CCDC178: variants seen among roughly 807,000 people sequenced by gnomAD.
CCDC178 encodes coiled-coil domain-containing protein 178.
In CCDC178, 126 loss-of-function variants were observed where a neutral mutation model predicts 117.4. The ratio of observed to expected loss-of-function variants is 1.07; its 90% CI spans 0.93 to 1.24. CCDC178 has a LOEUF of 1.24. CCDC178 is among the 50% of genes most tolerant of loss of function. CCDC178 has a pLI of 0.00. For missense variants in CCDC178, 1,030 were observed against 986.9 expected (o/e 1.04, Z -0.59); for synonymous variants, 283 against 313.4 (o/e 0.90, Z 1.02).
At chr18:33,224,243 A>G (rs73421440) in intron 17 of CCDC178, among the ~76,000 whole-genome samples, 1,637 of 152,282 alleles carry the variant, frequency 0.011, 28 homozygotes, top group African/African-American at 0.037. Flanking sequence ...AGTTCTCCAA[A>G]AGACTAATGA....
intron 10 of CCDC178, among the ~76,000 whole-genome samples, 183 bp from the exon 11 acceptor site, chr18:33,323,816 A>C (rs1454436801): frequency 1.3e-5 from 2 of 151,816 alleles, no homozygotes; most frequent in African/African-American, 4.8e-5. Flanking sequence ...GGAATGTATA[A>C]ATGTTACTGA....
At chr18:32,978,247 A>G (rs2055069124) in intron 21 of CCDC178, among the ~76,000 whole-genome samples, 1 of 141,240 alleles carries the variant, frequency 7.1e-6, no homozygotes, top group South Asian at 2.3e-4. Flanking sequence ...TCAATAGCTA[A>G]TAGGCCTATG....
At chr18:32,974,773 A>G in intron 21 of CCDC178, 92 bp from the exon 22 acceptor site, 1 of 1,308,364 alleles carries the variant, frequency 7.6e-7, no homozygotes, top group Non-Finnish European at 1.1e-6. Flanking sequence ...GGAAATATAG[A>G]AAGCAGTCAA....
chr18:33,333,705 T>C (rs181883661), intron 9 of CCDC178, among the ~76,000 whole-genome samples: 1 of 151,598 alleles, frequency 6.6e-6, no homozygotes, highest in East Asian at 2.0e-4. Context: ...AGAGATGGGG[T>C]TTCTCCATGT....
At chr18:32,975,028 C>T (rs1278252306) in intron 21 of CCDC178, among the ~76,000 whole-genome samples, 1 of 152,034 alleles carries the variant, frequency 6.6e-6, no homozygotes, top group Non-Finnish European at 1.5e-5. Flanking sequence ...CATATTGAAC[C>T]TTTCTTGAAA....
chr18:33,210,035 T>C (rs1210897891), intron 20 of CCDC178, among the ~76,000 whole-genome samples: 1 of 152,034 alleles, frequency 6.6e-6, no homozygotes, highest in Non-Finnish European at 1.5e-5. Context: ...GTTTGAACAG[T>C]ATTTCTGAAA....
chr18:33,116,158 A>G (rs1252717441), intron 20 of CCDC178, among the ~76,000 whole-genome samples: 1 of 152,046 alleles, frequency 6.6e-6, no homozygotes, highest in Non-Finnish European at 1.5e-5. Flanking sequence ...TGCAAAGCTG[A>G]GCTACTACAG....
intron 15 of CCDC178, among the ~76,000 whole-genome samples, chr18:33,236,996 T>G (rs181121414): frequency 5.6e-4 from 86 of 152,230 alleles, no homozygotes; most frequent in African/African-American, 2.0e-3. Context: ...TGCTGAAAAT[T>G]TATACTGTTG....
rs1053241504 is a variant in CCDC178 at position 32,990,241 on chromosome 18, A to G, written c.2389-15560T>C. On this transcript the variant is annotated intron_variant, in intron 21 of 22. Transcript: ENST00000383096. Reference sequence around the variant, plus strand: ...GCAATTCTCATCAACAGTGCACTTTAGGGAACTTAGGAAAAATGATTATAA... The same window carrying G: ...GCAATTCTCATCAACAGTGCACTTTGGGGAACTTAGGAAAAATGATTATAA... 9.2e-5 allele frequency among the ~76,000 whole-genome samples: 14 copies of G among 152,166 alleles called. 1 individual carries two copies. Among genetic ancestry groups the G allele is most frequent in the Admixed American group, 6.5e-4 (10 of 15,284 alleles).
intron 20 of CCDC178, among the ~76,000 whole-genome samples, chr18:33,135,355 A>G (rs1314305173): frequency 2.0e-5 from 3 of 152,104 alleles, no homozygotes; most frequent in Admixed American, 6.6e-5. Context: ...ACAAAAAAAT[A>G]ATGTATTTTA....
chr18:33,171,889 G>C (rs1001298635), intron 20 of CCDC178, among the ~76,000 whole-genome samples: 3 of 152,134 alleles, frequency 2.0e-5, no homozygotes, highest in African/African-American at 7.2e-5. Context: ...ATTTACTCAT[G>C]CCAAAATTCT....
intron 6 of CCDC178, among the ~76,000 whole-genome samples, chr18:33,363,920 C>T (rs1381395313): frequency 1.3e-5 from 2 of 152,054 alleles, no homozygotes; most frequent in Admixed American, 6.6e-5. Context: ...TCTTCTGGAT[C>T]CACATCTTTT....
At chr18:33,227,573 T>G (rs979940988) in intron 15 of CCDC178, among the ~76,000 whole-genome samples, 1 of 144,634 alleles carries the variant, frequency 6.9e-6, no homozygotes, top group Non-Finnish European at 1.5e-5. Flanking sequence ...TATATATATA[T>G]ATATATACAC....
chr18:33,167,746 A>G (rs1387550502), intron 20 of CCDC178, among the ~76,000 whole-genome samples: 1 of 152,044 alleles, frequency 6.6e-6, no homozygotes, highest in Non-Finnish European at 1.5e-5. Flanking sequence ...ATGCACCTGT[A>G]ATCACAGCTA....
At chr18:33,252,537 G>T (rs1002227922) in intron 14 of CCDC178, among the ~76,000 whole-genome samples, 3 of 151,600 alleles carry the variant, frequency 2.0e-5, no homozygotes, top group East Asian at 1.9e-4. Flanking sequence ...GTGCAATGCT[G>T]GAAAAAGAAG....
intron 20 of CCDC178, among the ~76,000 whole-genome samples, chr18:33,148,130 C>T (rs567441746): frequency 3.8e-4 from 58 of 152,322 alleles, no homozygotes; most frequent in Non-Finnish European, 7.5e-4. Flanking sequence ...CCAGCCTGGG[C>T]AACATTGAGC....
intron 15 of CCDC178, among the ~76,000 whole-genome samples, chr18:33,241,819 A>G (rs1457310252): frequency 6.6e-6 from 1 of 151,788 alleles, no homozygotes; most frequent in Non-Finnish European, 1.5e-5. Flanking sequence ...TAATATTGTT[A>G]AAATAGTATG....
chr18:33,283,905 G>GT (rs34548222), intron 12 of CCDC178, among the ~76,000 whole-genome samples: 10,488 of 152,212 alleles, frequency 0.069, 563 homozygotes, highest in African/African-American at 0.14. Flanking sequence ...CCATTACTGG[G>GT]TACATACCCA....
intron 21 of CCDC178, among the ~76,000 whole-genome samples, chr18:32,978,984 C>T (rs906145656): frequency 1.7e-4 from 26 of 149,216 alleles, no homozygotes; most frequent in African/African-American, 6.4e-4. Context: ...TTGCAGTGAG[C>T]AGAGATCGCG....
Sources: allele counts gnomAD v4.1 joint callset (sites outside exome capture counted in the v4.1 genomes callset), GRCh38; gene constraint gnomAD v4.1.1; transcripts MANE v1.5; gene names NCBI Gene and HGNC (gene_info 2026-07-23, HGNC 2026-07-21).